GPC3: variants seen among roughly 807,000 people sequenced by gnomAD.
The protein encoded by GPC3 is glypican 3.
In GPC3, 3 loss-of-function variants were observed where a neutral mutation model predicts 34.4. The observed-to-expected ratio is 0.09, with a 90% CI of 0.04 to 0.23. The LOEUF is 0.23. Ranked by LOEUF, GPC3 falls within the 10% of genes least tolerant of loss-of-function variation. GPC3 has a pLI of 1.00. For missense variants in GPC3, 351 were observed against 445.6 expected (o/e 0.79, Z 1.91); for synonymous variants, 177 against 174.0 (o/e 1.02, Z -0.13).
At chrX:133,587,923 AC>A (rs1286956830) in intron 7 of GPC3, among the ~76,000 whole-genome samples, 1 of 111,390 alleles carries the variant, frequency 9.0e-6, no homozygotes, top group East Asian at 2.8e-4. Context: ...CAGAACTGGG[AC>A]CCAGTTTGTT....
chrX:133,917,141 G>A (rs151038846), intron 2 of GPC3, among the ~76,000 whole-genome samples: 2,727 of 111,785 alleles, frequency 0.024, 171 homozygotes, highest in Admixed American at 0.2. Flanking sequence ...ACAGAAAGTC[G>A]TTCTAATACC....
intron 7 of GPC3, among the ~76,000 whole-genome samples, chrX:133,549,611 C>G (rs2069413888): frequency 1.6e-5 from 1 of 61,408 alleles, no homozygotes. Context: ...CTGGAATGGC[C>G]TCTCTCTCTC....
intron 3 of GPC3, among the ~76,000 whole-genome samples, chrX:133,744,156 G>C (rs767594781): frequency 1.7e-4 from 19 of 111,844 alleles, no homozygotes; most frequent in African/African-American, 4.9e-4. Flanking sequence ...AGCCAAAATT[G>C]ACATATGGGA....
At chrX:133,648,032 G>A (rs1238122700) in intron 6 of GPC3, among the ~76,000 whole-genome samples, 1 of 111,695 alleles carries the variant, frequency 9.0e-6, no homozygotes, top group Non-Finnish European at 1.9e-5. Context: ...TCTACTGTGG[G>A]AGGGCCGCAC....
At chrX:133,979,329 A>G (rs1205626414) in intron 1 of GPC3, among the ~76,000 whole-genome samples, 1 of 112,332 alleles carries the variant, frequency 8.9e-6, no homozygotes, top group Non-Finnish European at 1.9e-5. Context: ...ATTCATGAGG[A>G]AAAATACAAA....
intron 2 of GPC3, among the ~76,000 whole-genome samples, chrX:133,760,012 T>TG (rs1908705761): frequency 9.0e-6 from 1 of 110,611 alleles, no homozygotes; most frequent in African/African-American, 3.3e-5. Context: ...GATATACAGA[T>TG]GGGGAAAAAA....
At chrX:133,636,464 C>T (rs1182147652) in intron 6 of GPC3, among the ~76,000 whole-genome samples, 7 of 112,024 alleles carry the variant, frequency 6.2e-5, no homozygotes, top group African/African-American at 9.7e-5. Context: ...GTCAGGAGTT[C>T]GAGACCAGCC....
intron 7 of GPC3, among the ~76,000 whole-genome samples, chrX:133,537,756 G>C (rs745329180): frequency 8.9e-6 from 1 of 111,841 alleles, no homozygotes; most frequent in African/African-American, 3.2e-5. Context: ...TTGATTACTA[G>C]TGCAGACAAA....
intron 2 of GPC3, among the ~76,000 whole-genome samples, chrX:133,821,388 C>T (rs1897927231): frequency 8.9e-6 from 1 of 112,354 alleles, no homozygotes; most frequent in Admixed American, 9.4e-5. Context: ...TAAGGAGCAA[C>T]AGTGTCACAA....
At chrX:133,771,270 C>G (rs1232056872) in intron 2 of GPC3, among the ~76,000 whole-genome samples, 1 of 112,741 alleles carries the variant, frequency 8.9e-6, no homozygotes, top group East Asian at 2.8e-4. Flanking sequence ...GAAAAATGGT[C>G]CATTGCTGTA....
At chrX:133,661,560 ATC>A (rs1442787009) in intron 6 of GPC3, among the ~76,000 whole-genome samples, 168 bp downstream of exon 6, 5 of 60,654 alleles carry the variant, frequency 8.2e-5, no homozygotes, top group African/African-American at 3.6e-4. Context: ...AGCTGGCTAT[ATC>A]TCTCTTTCTC....
At chrX:133,797,352 G>A (rs772342332) in intron 2 of GPC3, among the ~76,000 whole-genome samples, 4 of 111,065 alleles carry the variant, frequency 3.6e-5, no homozygotes, top group Admixed American at 9.6e-5. Flanking sequence ...AGAGGTGATT[G>A]GATGACTAGA....
At chrX:133,648,057 C>T (rs865795648) in intron 6 of GPC3, among the ~76,000 whole-genome samples, 22 of 111,614 alleles carry the variant, frequency 2.0e-4, no homozygotes, top group Admixed American at 2.9e-4. Flanking sequence ...CTACCTTCTG[C>T]GGAGACCCAA....
At chrX:133,804,836 G>A (rs1400304764) in intron 2 of GPC3, among the ~76,000 whole-genome samples, 2 of 109,932 alleles carry the variant, frequency 1.8e-5, no homozygotes, top group African/African-American at 6.6e-5. Flanking sequence ...TGGTGATGGA[G>A]GTTAAAAAAA....
intron 2 of GPC3, among the ~76,000 whole-genome samples, chrX:133,910,499 C>T (rs2076193276): frequency 8.9e-6 from 1 of 111,966 alleles, no homozygotes; most frequent in Admixed American, 9.5e-5. Flanking sequence ...CTAATCTGAG[C>T]TTAACTTTTT....
intron 3 of GPC3, among the ~76,000 whole-genome samples, chrX:133,740,474 T>G (rs1170416450): frequency 8.9e-6 from 1 of 112,563 alleles, no homozygotes; most frequent in African/African-American, 3.2e-5. Flanking sequence ...CCCTGCTTTT[T>G]TGTCTAGAAC....
chrX:133,769,886 C>T (rs2071895620), intron 2 of GPC3, among the ~76,000 whole-genome samples: 1 of 111,881 alleles, frequency 8.9e-6, no homozygotes, highest in Non-Finnish European at 1.9e-5. Flanking sequence ...TGCCAGATAC[C>T]CTGCATGTAA....
intron 2 of GPC3, among the ~76,000 whole-genome samples, chrX:133,819,096 A>T (rs1200902934): frequency 4.0e-5 from 4 of 100,145 alleles, no homozygotes; most frequent in Non-Finnish European, 8.1e-5. Flanking sequence ...GCACCCATTA[A>T]CTCATCATTT....
intron 2 of GPC3, among the ~76,000 whole-genome samples, chrX:133,921,636 C>T (rs1415431579): frequency 1.8e-5 from 2 of 112,265 alleles, no homozygotes; most frequent in African/African-American, 3.2e-5. Context: ...TTGAAAGATA[C>T]TCAATAAATA....
Sources: gnomAD v4.1 joint callset for allele counts (sites outside exome capture counted in the v4.1 genomes callset) on GRCh38, gnomAD v4.1.1 for gene constraint, MANE v1.5 for transcripts, NCBI Gene and HGNC (gene_info 2026-07-23, HGNC 2026-07-21) for gene names.